DPP10: variants seen among roughly 807,000 people sequenced by gnomAD.
DPP10 encodes inactive dipeptidyl peptidase 10.
In DPP10, 33 loss-of-function variants were observed where a neutral mutation model predicts 120.9. The observed-to-expected ratio is 0.27, with a 90% CI of 0.21 to 0.37. The LOEUF (loss-of-function observed/expected upper bound fraction) is 0.37, where lower values mean the gene tolerates loss of function less well. DPP10 is among the 10% of genes least tolerant of loss of function. DPP10 has a pLI of 1.00. For missense variants in DPP10, 816 were observed against 942.8 expected (o/e 0.87, Z 1.76); for synonymous variants, 337 against 326.1 (o/e 1.03, Z -0.36).
chr2:114,505,051 CAAAAA>C (rs3061538), intron 1 of DPP10, among the ~76,000 whole-genome samples: 1,442 of 44,846 alleles, frequency 0.032, 16 homozygotes, highest in African/African-American at 0.087. Flanking sequence ...GACTCTGTCT[CAAAAA>C]AAAAAAAAAA....
intron 5 of DPP10, among the ~76,000 whole-genome samples, chr2:115,591,745 C>T (rs1396585832): frequency 6.6e-6 from 1 of 152,114 alleles, no homozygotes; most frequent in Admixed American, 6.6e-5. Flanking sequence ...TTATCTTGGG[C>T]AGTATGGCCA....
At chr2:115,045,757 A>G (rs550957622) in intron 1 of DPP10, among the ~76,000 whole-genome samples, 4 of 152,158 alleles carry the variant, frequency 2.6e-5, no homozygotes, top group Admixed American at 2.6e-4. Context: ...TCACTCATCC[A>G]AGTTTTGGTT....
intron 1 of DPP10, among the ~76,000 whole-genome samples, chr2:114,798,151 A>T (rs1352680261): frequency 6.6e-6 from 1 of 152,178 alleles, no homozygotes; most frequent in African/African-American, 2.4e-5. Context: ...AGTAAACATG[A>T]TAAGAAAGTG....
Position 115,178,040 on chromosome 2 carries a change from T to C in DPP10, c.61-131199T>C, listed in dbSNP as rs542397768. On this transcript the variant is annotated intron_variant, in intron 1 of 25. Transcript: ENST00000410059. ...GGCCTCCCAAAGTGACATTGCTTTT[T>C]TTTGATAAAAACCTTGATATTATCA... 1.2e-4 allele frequency among the ~76,000 whole-genome samples: 18 copies of C among 152,322 alleles called. No individual in the cohort carries two copies. In the East Asian group the frequency reaches 3.1e-3, roughly 26 times the overall value.
intron 1 of DPP10, among the ~76,000 whole-genome samples, chr2:114,682,498 C>T (rs1316808859): frequency 6.6e-6 from 1 of 151,682 alleles, no homozygotes; most frequent in Non-Finnish European, 1.5e-5. Flanking sequence ...AAAACATTTT[C>T]TTATGCTTTC....
intron 1 of DPP10, among the ~76,000 whole-genome samples, chr2:114,597,645 C>T (rs1352359811): frequency 1.3e-5 from 2 of 151,988 alleles, no homozygotes; most frequent in African/African-American, 4.8e-5. Context: ...TGGCTCTCCT[C>T]CATGAATCCC....
At chr2:115,162,821 C>T (rs1043670121) in intron 1 of DPP10, among the ~76,000 whole-genome samples, 2 of 152,114 alleles carry the variant, frequency 1.3e-5, no homozygotes, top group Non-Finnish European at 2.9e-5. Flanking sequence ...CGTGGATCCC[C>T]ATCTCGTCTC....
intron 1 of DPP10, among the ~76,000 whole-genome samples, chr2:115,010,957 C>G (rs1317128161): frequency 2.6e-5 from 4 of 152,142 alleles, no homozygotes; most frequent in Admixed American, 2.6e-4. Context: ...AGTCATGTCT[C>G]TGGAGGCAAA....
Position 115,705,817 on chromosome 2 carries a change from C to CT in DPP10, c.576+15896_576+15897insT, listed in dbSNP as rs2092080159. Among the ~76,000 whole-genome samples the CT allele has an allele frequency of 2.6e-5, 4 of 151,982 alleles. No homozygotes were observed. The East Asian group carries it at 5.8e-4, about 22-fold the overall frequency. On this transcript the variant is annotated intron_variant, in intron 7 of 25. Transcript: ENST00000410059. The stretch of plus-strand genomic sequence containing the variant: ...TGCTTTTAGTTGCAGGGTATAAAAA[C>CT]AATCTCCCTTACCACATTGTAGTAT...
In DPP10 at chr2:114,906,382, CAAAAAAAAAA is replaced by C. The variant is rs1184226315; in HGVS notation, c.61-402851_61-402842del. ...CTGGGCGACAGAGTGAGTTCTATCT[CAAAAAAAAAA>C]AAAAAGAAAAATTAGTGAACCTGGA... is the stretch of plus-strand genomic sequence containing the variant. On this transcript the variant is annotated intron_variant, in intron 1 of 25. Coordinates refer to ENST00000410059, the MANE Select transcript of DPP10 (RefSeq NM_020868.6). Among the ~76,000 whole-genome samples, 5 of 112,182 alleles carry C rather than the reference CAAAAAAAAAA, an allele frequency of 4.5e-5. No homozygotes were observed. In the East Asian group the frequency reaches 1.0e-3, roughly 23 times the overall value. The allele number at this position is 112,182 out of a possible 152,430, so 73.6% of individuals were successfully genotyped here.
chr2:115,160,146 A>C (rs1559160889), intron 1 of DPP10, among the ~76,000 whole-genome samples: 1 of 152,226 alleles, frequency 6.6e-6, no homozygotes, highest in Non-Finnish European at 1.5e-5. Context: ...TGTTTCATTA[A>C]AAATATATAT....
chr2:115,526,264 G>T, intron 5 of DPP10: 1 of 291,854 alleles, frequency 3.4e-6, no homozygotes, highest in Non-Finnish European at 6.4e-6. Flanking sequence ...ATGCGGGCTT[G>T]TGAAAGTTTC....
At chr2:115,674,752 T>A (rs1271936598) in intron 5 of DPP10, among the ~76,000 whole-genome samples, 1 of 152,184 alleles carries the variant, frequency 6.6e-6, no homozygotes, top group Non-Finnish European at 1.5e-5. Flanking sequence ...TTTCATGCTA[T>A]GAGGAACCTT....
At chr2:114,796,175 T>A (rs1168955089) in intron 1 of DPP10, among the ~76,000 whole-genome samples, 1 of 152,090 alleles carries the variant, frequency 6.6e-6, no homozygotes, top group Admixed American at 6.6e-5. Flanking sequence ...TGCAATACAG[T>A]AAAGCTTGAA....
At chr2:114,574,003 C>T (rs943019717) in intron 1 of DPP10, among the ~76,000 whole-genome samples, 2 of 151,980 alleles carry the variant, frequency 1.3e-5, no homozygotes, top group Non-Finnish European at 2.9e-5. Flanking sequence ...ATGACTAATA[C>T]CAAGAGAGGC....
intron 1 of DPP10, among the ~76,000 whole-genome samples, chr2:114,850,154 G>A (rs1271964687): frequency 6.6e-6 from 1 of 151,520 alleles, no homozygotes; most frequent in Non-Finnish European, 1.5e-5. Context: ...CCAAGTAGCT[G>A]GGACTATAGG....
intron 1 of DPP10, among the ~76,000 whole-genome samples, chr2:114,798,562 C>T (rs1683910041): frequency 6.6e-6 from 1 of 152,086 alleles, no homozygotes; most frequent in African/African-American, 2.4e-5. Context: ...GGCTGCACAT[C>T]TTATGATTGC....
chr2:115,410,600 C>G (rs1027818667), intron 3 of DPP10, among the ~76,000 whole-genome samples: 5 of 152,160 alleles, frequency 3.3e-5, no homozygotes, highest in African/African-American at 1.2e-4. Flanking sequence ...CAAACCTGCA[C>G]ATGCACCTGG....
At chr2:114,465,974 A>C (rs180752881) in intron 1 of DPP10, among the ~76,000 whole-genome samples, 195 of 152,326 alleles carry the variant, frequency 1.3e-3, no homozygotes, top group African/African-American at 4.3e-3. Context: ...GTTGTTAACC[A>C]ACCTTTGGCT....
Sources: gnomAD v4.1 joint callset for allele counts (sites outside exome capture counted in the v4.1 genomes callset) on GRCh38, gnomAD v4.1.1 for gene constraint, MANE v1.5 for transcripts, NCBI Gene and HGNC (gene_info 2026-07-23, HGNC 2026-07-21) for gene names.